PLA2G2F: variants seen among roughly 807,000 people sequenced by gnomAD.
PLA2G2F encodes phospholipase A2 group IIF.
In PLA2G2F, 17 loss-of-function variants were observed where a neutral mutation model predicts 15.9. The observed-to-expected ratio is 1.07, with a 90% CI of 0.73 to 1.60. PLA2G2F has a LOEUF of 1.60. PLA2G2F is among the 40% of genes most tolerant of loss of function. The pLI is 0.00. For missense variants in PLA2G2F, 299 were observed against 278.2 expected (o/e 1.07, Z -0.53); for synonymous variants, 119 against 106.5 (o/e 1.12, Z -0.72).
chr1:20,140,028 A>C (rs1393121601), intron 1 of PLA2G2F, 138 bp from the exon 2 acceptor site: 1 of 889,482 alleles, frequency 1.1e-6, no homozygotes, highest in Non-Finnish European at 1.7e-6. Flanking sequence ...TACTGATGAC[A>C]GCGCTAGGAG....
intron 1 of PLA2G2F, 146 bp from the exon 2 acceptor site, chr1:20,140,020 C>T (rs1044957226): frequency 3.6e-5 from 30 of 832,314 alleles, no homozygotes; most frequent in Non-Finnish European, 5.1e-5. Flanking sequence ...TGGGCAGGTA[C>T]TGATGACAGC....
intron 2 of PLA2G2F, chr1:20,140,632 A>G: frequency 5.5e-6 from 1 of 181,510 alleles, no homozygotes; most frequent in Non-Finnish European, 1.2e-5. Flanking sequence ...AAAGTATGTG[A>G]CAGTGTAGGC....
At position 20,143,571 on chromosome 1, in the gene PLA2G2F, C is replaced by T; in HGVS notation, c.295C>T (p.Pro99Ser). 2 of 1,613,862 alleles carry T rather than the reference C, an allele frequency of 1.2e-6. No individual in the cohort carries two copies. Among genetic ancestry groups the T allele is most frequent in the East Asian group, 4.5e-5 (2 of 44,868 alleles). ...CTGTGGGCTGGGGGGCCGTGGCCAG[C>T]CCAAGGATGAGGTGGACTGGTAGGT... ...CYCGLGGRGQ[P>S]KDEVDWCCHA... Residue 99 changes from proline to serine, a missense_variant, in exon 3 of 5, where the codon CCC (proline) becomes TCC (serine). Coordinates refer to ENST00000375102, the MANE Select transcript of PLA2G2F (RefSeq NM_022819.4).
At chr1:20,144,275 C>T (rs961038732) in intron 3 of PLA2G2F, among the ~76,000 whole-genome samples, 2 of 152,180 alleles carry the variant, frequency 1.3e-5, no homozygotes, top group Non-Finnish European at 1.5e-5. Flanking sequence ...CCTCCCACTG[C>T]TGCAGCCGGG....
At chr1:20,140,349 T>C in intron 2 of PLA2G2F, 131 bp downstream of exon 2, 1 of 989,258 alleles carries the variant, frequency 1.0e-6, no homozygotes, top group African/African-American at 1.6e-5. Context: ...CTGCTTCTTG[T>C]CTCAGCCCAG....
chr1:20,148,494 A>T lies in PLA2G2F; in HGVS notation c.*93A>T, dbSNP rs2017661772. The T allele has an allele frequency of 1.8e-6, 2 of 1,100,902 alleles. No individual in the cohort carries two copies. Among genetic ancestry groups the T allele is most frequent in the South Asian group, 2.8e-5 (2 of 70,384 alleles). The allele number at this position is 1,100,902 out of a possible 1,614,324, so 68.2% of individuals were successfully genotyped here. A position where few individuals can be genotyped will look rare whatever the true frequency, so the allele number is the denominator to read the frequency against. ...GGGTAGGAGCCAGGCCAGGAGCCTG[A>T]GGGTTGCTGGTTGCCTCCTCCCTGG... On this transcript the variant is annotated 3_prime_UTR_variant, in exon 5 of 5. Transcript: ENST00000375102.
intron 4 of PLA2G2F, among the ~76,000 whole-genome samples, chr1:20,147,395 A>C (rs1234445667): frequency 1.3e-5 from 2 of 152,134 alleles, no homozygotes; most frequent in African/African-American, 4.8e-5. Context: ...GCTCTTAGGC[A>C]CTAAGCTTTT....
At chr1:20,140,031 G>A (rs188857896) in intron 1 of PLA2G2F, 135 bp from the exon 2 acceptor site, 39 of 922,122 alleles carry the variant, frequency 4.2e-5, no homozygotes, top group African/African-American at 2.3e-4. Flanking sequence ...TGATGACAGC[G>A]CTAGGAGCAG....
chr1:20,139,599 G>C, intron 1 of PLA2G2F, 56 bp downstream of exon 1: 1 of 1,293,366 alleles, frequency 7.7e-7, no homozygotes, highest in Non-Finnish European at 1.0e-6. Context: ...GGACAGGCGT[G>C]AGGGACTGGC....
intron 3 of PLA2G2F, 141 bp downstream of exon 3, chr1:20,143,731 G>A: frequency 1.9e-6 from 2 of 1,070,460 alleles, no homozygotes; most frequent in Non-Finnish European, 2.7e-6. Flanking sequence ...GGTGACCAGA[G>A]CCTGGTCTTT....
chr1:20,146,926 G>A (rs1162588492), intron 4 of PLA2G2F, among the ~76,000 whole-genome samples: 1 of 152,062 alleles, frequency 6.6e-6, no homozygotes, highest in Non-Finnish European at 1.5e-5. Flanking sequence ...GGAATCCCTG[G>A]GGCCATCAGA....
At chr1:20,145,284 A>AT (rs201526266) in intron 4 of PLA2G2F, among the ~76,000 whole-genome samples, 4,420 of 140,994 alleles carry the variant, frequency 0.031, 128 homozygotes, top group African/African-American at 0.077. Flanking sequence ...TAAAACATGT[A>AT]TTTTTTTTTT....
chr1:20,140,849 C>T (rs1053373573), intron 2 of PLA2G2F: 3 of 152,354 alleles, frequency 2.0e-5, no homozygotes, highest in Non-Finnish European at 4.4e-5. Context: ...TCTGGGCAGC[C>T]GCCCCATAGG....
rs2017624798 is a variant in PLA2G2F, at chr1:20,146,910, G to C, written c.425-1280G>C. ...CTTAAAGCAGTGATTTTCATGCTGG[G>C]TTCTGGGAATCCCTGGGGCCATCAG... On this transcript the variant is annotated intron_variant, in intron 4 of 4. Transcript: ENST00000375102. 2.0e-5 allele frequency among the ~76,000 whole-genome samples: 3 copies of C among 152,286 alleles called. No homozygotes were observed. In the South Asian group the frequency reaches 6.2e-4, roughly 32 times the overall value.
At chr1:20,146,740 G>A (rs1483574616) in intron 4 of PLA2G2F, among the ~76,000 whole-genome samples, 1 of 152,174 alleles carries the variant, frequency 6.6e-6, no homozygotes, top group Non-Finnish European at 1.5e-5. Flanking sequence ...GACCCCTTGG[G>A]GGCCCAGATC....
Position 20,148,496 on chromosome 1 carries a change from G to A in PLA2G2F, c.*95G>A. The A allele has an allele frequency of 9.7e-7, 1 of 1,027,508 alleles. No individual in the cohort carries two copies. The allele number at this position is 1,027,508 out of a possible 1,614,324, so 63.6% of individuals were successfully genotyped here. On this transcript the variant is annotated 3_prime_UTR_variant, in exon 5 of 5. Coordinates refer to ENST00000375102, the MANE Select transcript of PLA2G2F (RefSeq NM_022819.4). ...GTAGGAGCCAGGCCAGGAGCCTGAG[G>A]GTTGCTGGTTGCCTCCTCCCTGGAG...
At chr1:20,144,033 C>T (rs1380691733) in intron 3 of PLA2G2F, 7 of 183,374 alleles carry the variant, frequency 3.8e-5, no homozygotes, top group Non-Finnish European at 6.9e-5. Flanking sequence ...GCAGGCAGCA[C>T]CAAGTTTGTA....
At chr1:20,139,578 G>A in intron 1 of PLA2G2F, 35 bp downstream of exon 1, 1 of 1,413,778 alleles carries the variant, frequency 7.1e-7, no homozygotes, top group Non-Finnish European at 9.5e-7. Flanking sequence ...GAATCCTCCA[G>A]GGAGGGGCAG....
At chr1:20,146,508 C>T (rs890320677) in intron 4 of PLA2G2F, among the ~76,000 whole-genome samples, 7 of 152,218 alleles carry the variant, frequency 4.6e-5, no homozygotes, top group African/African-American at 1.4e-4. Flanking sequence ...CAAGTAGCAG[C>T]GCCCAGGTGT....
Sources: gnomAD v4.1 joint callset for allele counts (sites outside exome capture counted in the v4.1 genomes callset) on GRCh38, gnomAD v4.1.1 for gene constraint, MANE v1.5 for transcripts, NCBI Gene and HGNC (gene_info 2026-07-23, HGNC 2026-07-21) for gene names.